Variants in FNBP1 observed in about 807,000 individuals in gnomAD.
FNBP1 encodes formin binding protein 1.
A neutral mutation model predicts 90.6 loss-of-function variants in FNBP1; 26 were observed. That is an observed-to-expected ratio of 0.29 (90% CI 0.21 to 0.40). FNBP1 has a LOEUF of 0.40. Among genes scored for constraint, FNBP1 ranks in the 10% least tolerant of loss-of-function variants. FNBP1 has a pLI of 1.00. For synonymous variants in FNBP1, 260 were observed against 265.2 expected (o/e 0.98, Z 0.19); for missense variants, 635 against 768.0 (o/e 0.83, Z 2.05).
intron 10 of FNBP1, among the ~76,000 whole-genome samples, chr9:129,923,582 A>C (rs1296470948): frequency 6.6e-6 from 1 of 151,044 alleles, no homozygotes; most frequent in Admixed American, 6.6e-5. Context: ...TGTCTGGAAA[A>C]AAAAAAAAAA....
At chr9:129,902,149 C>T (rs1157035606) in intron 13 of FNBP1, among the ~76,000 whole-genome samples, 1 of 152,162 alleles carries the variant, frequency 6.6e-6, no homozygotes, top group African/African-American at 2.4e-5. Flanking sequence ...GGTTCTCACA[C>T]ACACCCTTTC....
At chr9:130,026,212 T>C (rs1395275164) in intron 1 of FNBP1, among the ~76,000 whole-genome samples, 1 of 152,014 alleles carries the variant, frequency 6.6e-6, no homozygotes, top group African/African-American at 2.4e-5. Context: ...ATGAGAAAAT[T>C]GGCCAGGCAC....
At chr9:129,946,712 A>G (rs947731521) in intron 6 of FNBP1, among the ~76,000 whole-genome samples, 1 of 152,252 alleles carries the variant, frequency 6.6e-6, no homozygotes, top group African/African-American at 2.4e-5. Flanking sequence ...CAATTTCTGC[A>G]GCTGTTTGTA....
chr9:130,018,929 A>G (rs564062884), intron 1 of FNBP1, among the ~76,000 whole-genome samples: 6 of 152,260 alleles, frequency 3.9e-5, no homozygotes, highest in African/African-American at 1.4e-4. Flanking sequence ...TAATATATCA[A>G]AAAAGATGAT....
At chr9:129,995,773 G>A (rs539393011) in intron 1 of FNBP1, among the ~76,000 whole-genome samples, 2 of 152,270 alleles carry the variant, frequency 1.3e-5, no homozygotes, top group East Asian at 3.9e-4. Context: ...GTGCAAGGTG[G>A]AGGTGGGTGG....
chr9:129,908,258 C>T (rs1421840006), intron 12 of FNBP1, among the ~76,000 whole-genome samples: 1 of 146,292 alleles, frequency 6.8e-6, no homozygotes, highest in Non-Finnish European at 1.5e-5. Flanking sequence ...GGCTGGAGTG[C>T]AGTGGCATGA....
chr9:129,980,296 G>GTT (rs1313344530), intron 2 of FNBP1, among the ~76,000 whole-genome samples: 3 of 149,758 alleles, frequency 2.0e-5, no homozygotes, highest in African/African-American at 7.4e-5. Context: ...GGAGGAGGAG[G>GTT]TTTCGGTGAG....
intron 6 of FNBP1, among the ~76,000 whole-genome samples, chr9:129,949,849 G>C (rs768454068): frequency 4.3e-4 from 66 of 152,058 alleles, no homozygotes; most frequent in Non-Finnish European, 8.7e-4. Flanking sequence ...CAGGATCCTA[G>C]GTAGTTTAAA....
Position 130,031,197 on chromosome 9 carries a change from C to T in FNBP1, c.24+11755G>A, listed in dbSNP as rs2058771109. Among the ~76,000 whole-genome samples, 1 of 152,204 alleles carries T rather than the reference C, an allele frequency of 6.6e-6. No individual in the cohort carries two copies. Among genetic ancestry groups the T allele is most frequent in the Admixed American group, 6.5e-5 (1 of 15,280 alleles). ...GAGAAATGCAATAGATAGAAAGGCT[C>T]TCTACTGAAACCCACTCCAGTAATC... On this transcript the variant is annotated intron_variant, in intron 1 of 16. Coordinates refer to ENST00000446176, the MANE Select transcript of FNBP1 (RefSeq NM_015033.3). The surrounding 1 kb of genome is among the most constrained non-coding windows in gnomAD (Gnocchi z 4.2).
At chr9:129,989,177 T>A (rs1023830488) in intron 2 of FNBP1, among the ~76,000 whole-genome samples, 2 of 152,204 alleles carry the variant, frequency 1.3e-5, no homozygotes, top group African/African-American at 2.4e-5. Context: ...TCAATCTCTA[T>A]CACATCACTG....
chr9:130,051,657 A>T, the FNBP1 span, among the ~76,000 whole-genome samples: 1 of 152,140 alleles, frequency 6.6e-6, no homozygotes. Context: ...TCTAGCAAAA[A>T]TACAAAAATT....
intron 16 of FNBP1, among the ~76,000 whole-genome samples, chr9:129,891,819 A>G (rs2035134522): frequency 6.6e-6 from 1 of 152,222 alleles, no homozygotes; most frequent in Admixed American, 6.5e-5. Context: ...TGAAAGAGTT[A>G]AATATTCATA....
intron 1 of FNBP1, among the ~76,000 whole-genome samples, chr9:130,008,286 G>T (rs1047133226): frequency 6.6e-6 from 1 of 151,770 alleles, no homozygotes; most frequent in Non-Finnish European, 1.5e-5. Flanking sequence ...GGAGGTCGAG[G>T]CTGCAGTGAG....
chr9:129,897,699 TC>T, intron 15 of FNBP1, among the ~76,000 whole-genome samples: 1 of 152,182 alleles, frequency 6.6e-6, no homozygotes, highest in Non-Finnish European at 1.5e-5. Context: ...GGCCTCAGCC[TC>T]CCAAAGTGCT....
At chr9:129,922,277 C>T (rs1015510023) in intron 10 of FNBP1, among the ~76,000 whole-genome samples, 1 of 152,236 alleles carries the variant, frequency 6.6e-6, no homozygotes, top group African/African-American at 2.4e-5. Flanking sequence ...CTGGTATCTA[C>T]ATTGGATGGC....
intron 15 of FNBP1, among the ~76,000 whole-genome samples, chr9:129,897,773 C>T (rs1032812322): frequency 3.3e-5 from 5 of 151,840 alleles, no homozygotes; most frequent in African/African-American, 4.8e-5. Context: ...TCCTTATTAA[C>T]GCTCTGCAGG....
At chr9:129,961,037 G>A (rs879841892) in intron 4 of FNBP1, among the ~76,000 whole-genome samples, 2 of 152,056 alleles carry the variant, frequency 1.3e-5, no homozygotes, top group Non-Finnish European at 1.5e-5. Context: ...GACTAGCCGA[G>A]CGTGGTGGCT....
intron 2 of FNBP1, among the ~76,000 whole-genome samples, chr9:129,983,163 C>T (rs900970482): frequency 6.6e-6 from 1 of 152,156 alleles, no homozygotes; most frequent in Non-Finnish European, 1.5e-5. Flanking sequence ...CCTTACGTGA[C>T]TCTGAATCTA....
At chr9:129,928,756 C>T (rs570796829) in intron 7 of FNBP1, among the ~76,000 whole-genome samples, 1 of 151,894 alleles carries the variant, frequency 6.6e-6, no homozygotes, top group African/African-American at 2.4e-5. Flanking sequence ...ATTGATTAAT[C>T]TTGAGATTAT....
Sources: gnomAD v4.1 joint callset for allele counts (sites outside exome capture counted in the v4.1 genomes callset) on GRCh38, gnomAD v4.1.1 for gene constraint, Gnocchi (gnomAD v3.1) non-coding constraint, MANE v1.5 for transcripts, NCBI Gene and HGNC (gene_info 2026-07-23, HGNC 2026-07-21) for gene names.